Variants in CFAP299 observed in about 807,000 individuals in gnomAD.
CFAP299 encodes cilia- and flagella-associated protein 299.
A neutral mutation model predicts 27.0 loss-of-function variants in CFAP299; 21 were observed. The observed-to-expected ratio is 0.78, with a 90% confidence interval of 0.55 to 1.12. The LOEUF is 1.12. CFAP299 is among the 50% of genes most tolerant of loss of function. The pLI is 0.00. For synonymous variants in CFAP299, 104 were observed against 98.1 expected (o/e 1.06, Z -0.36); for missense variants, 310 against 276.6 (o/e 1.12, Z -0.86).
intron 3 of CFAP299, among the ~76,000 whole-genome samples, chr4:80,681,069 G>A (rs943306236): frequency 1.3e-5 from 2 of 152,054 alleles, no homozygotes; most frequent in African/African-American, 4.8e-5. Flanking sequence ...TTCTTTTGAA[G>A]AACATTGTTC....
intron 3 of CFAP299, among the ~76,000 whole-genome samples, chr4:80,595,400 C>T (rs1207720869): frequency 5.3e-5 from 8 of 152,122 alleles, no homozygotes; most frequent in Non-Finnish European, 1.2e-4. Context: ...TATGTTTCAC[C>T]TGCAATTACC....
chr4:80,420,249 A>G (rs1349706111), intron 2 of CFAP299: 2 of 455,978 alleles, frequency 4.4e-6, no homozygotes, highest in South Asian at 1.5e-5. Context: ...CTAGATCTGG[A>G]CAAAGAAAAG....
intron 2 of CFAP299, among the ~76,000 whole-genome samples, chr4:80,364,089 A>AAAACACACACACACACACACACACAC (rs1553916990): frequency 4.5e-5 from 5 of 110,844 alleles, no homozygotes; most frequent in African/African-American, 1.9e-4. Context: ...TCCGTCTCAA[A>AAAACACACACACACACACACACACAC]ACACACACAC....
chr4:80,956,016 T>C (rs765637596), intron 5 of CFAP299, among the ~76,000 whole-genome samples: 8 of 152,088 alleles, frequency 5.3e-5, no homozygotes, highest in Non-Finnish European at 1.2e-4. Flanking sequence ...AAAAAGAATG[T>C]ACATAATATT....
chr4:80,955,163 A>T (rs1319496477), intron 5 of CFAP299, among the ~76,000 whole-genome samples: 1 of 152,162 alleles, frequency 6.6e-6, no homozygotes, highest in East Asian at 1.9e-4. Flanking sequence ...ACTTTGGAGC[A>T]GTTGAAAGCA....
Position 80,676,401 on chromosome 4 carries a change from A to C in CFAP299, c.333+93218A>C, listed in dbSNP as rs575607230. On this transcript the variant is annotated intron_variant, in intron 3 of 5. Transcript: ENST00000358105. The stretch of plus-strand genomic sequence containing the variant: ...GATTTTGTATCTATATTTATCAATG[A>C]TAATGGCCTGTAGTTTTATTTTTGT... 3.3e-5 allele frequency among the ~76,000 whole-genome samples: 5 copies of C among 152,286 alleles called. No individual in the cohort carries two copies. In the East Asian group the frequency reaches 9.6e-4, roughly 29 times the overall value.
intron 5 of CFAP299, among the ~76,000 whole-genome samples, chr4:80,955,101 C>T (rs1241314643): frequency 1.4e-5 from 2 of 145,956 alleles, no homozygotes; most frequent in Admixed American, 1.4e-4. Flanking sequence ...TGCTTGAGTA[C>T]CTTAATAAAT....
intron 3 of CFAP299, among the ~76,000 whole-genome samples, chr4:80,797,217 A>G (rs1727917522): frequency 6.6e-6 from 1 of 152,136 alleles, no homozygotes; most frequent in Non-Finnish European, 1.5e-5. Flanking sequence ...AGAAAGATTA[A>G]CAGCATAAAT....
chr4:80,452,158 G>T (rs2110097581), intron 2 of CFAP299, among the ~76,000 whole-genome samples: 1 of 152,226 alleles, frequency 6.6e-6, no homozygotes, highest in African/African-American at 2.4e-5. Context: ...ACCTCAGAGT[G>T]CTGCCAGGTC....
chr4:80,460,856 C>A (rs574804209), intron 2 of CFAP299, among the ~76,000 whole-genome samples: 1 of 152,300 alleles, frequency 6.6e-6, no homozygotes, highest in South Asian at 2.1e-4. Context: ...GAGACTTATT[C>A]TGAGCCAAAT....
chr4:80,387,491 T>C (rs1437707037), intron 2 of CFAP299: 5 of 813,136 alleles, frequency 6.1e-6, no homozygotes, highest in Non-Finnish European at 1.1e-5. Context: ...TCGCTGGCTG[T>C]GGGCCAGGCC....
At chr4:80,793,070 A>G (rs986060846) in intron 3 of CFAP299, among the ~76,000 whole-genome samples, 4 of 151,408 alleles carry the variant, frequency 2.6e-5, no homozygotes, top group African/African-American at 9.7e-5. Flanking sequence ...AGTGGACAGA[A>G]CTAATAGGAT....
At chr4:80,666,991 C>T (rs1336909579) in intron 3 of CFAP299, among the ~76,000 whole-genome samples, 1 of 152,156 alleles carries the variant, frequency 6.6e-6, no homozygotes, top group African/African-American at 2.4e-5. Flanking sequence ...ACCTAAGGAT[C>T]CTGTGAACAT....
At chr4:80,862,645 G>C (rs186141890) in intron 3 of CFAP299, among the ~76,000 whole-genome samples, 2 of 152,210 alleles carry the variant, frequency 1.3e-5, no homozygotes, top group East Asian at 3.9e-4. Flanking sequence ...ACTCTGCCCT[G>C]CCTCTTGAGT....
intron 3 of CFAP299, among the ~76,000 whole-genome samples, chr4:80,619,547 A>C (rs1329751432): frequency 6.6e-6 from 1 of 152,092 alleles, no homozygotes; most frequent in African/African-American, 2.4e-5. Context: ...ACCTAACTAG[A>C]TGGCTTACAT....
chr4:80,392,467 G>A (rs913511110), intron 2 of CFAP299, among the ~76,000 whole-genome samples: 1 of 152,132 alleles, frequency 6.6e-6, no homozygotes, highest in East Asian at 1.9e-4. Context: ...TGTGCAAGGT[G>A]ATTACATCAA....
Position 80,891,785 on chromosome 4 carries a change from A to AATAAAT in CFAP299, c.476+21651_476+21652insTAAATA, listed in dbSNP as rs1734299572. Among the ~76,000 whole-genome samples the AATAAAT allele has an allele frequency of 3.5e-5, 4 of 115,904 alleles. No homozygotes were observed. In the South Asian group the frequency reaches 1.2e-3, roughly 35 times the overall value. 76.0% of individuals were successfully genotyped at this position (115,904 alleles called of 152,430 possible). ...TATAATAAAAAAAAAAATTAAAAAA[A>AATAAAT]AAATAAAAAAAAAAATAAAAGCTTT... is the stretch of plus-strand genomic sequence containing the variant. On this transcript the variant is annotated intron_variant, in intron 4 of 5. Transcript: ENST00000358105.
intron 2 of CFAP299, among the ~76,000 whole-genome samples, chr4:80,535,195 A>G (rs1180651707): frequency 1.3e-5 from 2 of 152,030 alleles, no homozygotes; most frequent in Non-Finnish European, 2.9e-5. Context: ...AGACCTAGCA[A>G]CTTACCTGAT....
chr4:80,367,723 GC>G (rs1723916087), intron 2 of CFAP299, among the ~76,000 whole-genome samples: 1 of 152,110 alleles, frequency 6.6e-6, no homozygotes, highest in Non-Finnish European at 1.5e-5. Context: ...GGTTATAGTA[GC>G]CATAAGACAG....
Sources: allele counts gnomAD v4.1 joint callset (sites outside exome capture counted in the v4.1 genomes callset), GRCh38; gene constraint gnomAD v4.1.1; transcripts MANE v1.5; gene names NCBI Gene and HGNC (gene_info 2026-07-23, HGNC 2026-07-21).